Variants in GRM1 observed in about 807,000 individuals in gnomAD.
The protein encoded by GRM1 is glutamate metabotropic receptor 1.
In GRM1, 33 loss-of-function variants were observed where a neutral mutation model predicts 90.9. That is an observed-to-expected ratio of 0.36 (90% CI 0.28 to 0.49). The LOEUF (loss-of-function observed/expected upper bound fraction) is 0.49, where lower values mean the gene tolerates loss of function less well. Ranked by LOEUF, GRM1 falls within the 20% of genes least tolerant of loss-of-function variation. The pLI is 0.99. For missense variants in GRM1, 1,190 were observed against 1,534.3 expected, an observed-to-expected ratio of 0.78 and a Z score of 3.75; for synonymous variants, 700 against 613.2, an observed-to-expected ratio of 1.14 and a Z score of -2.09.
intron 3 of GRM1, among the ~76,000 whole-genome samples, chr6:146,318,431 C>A (rs929370940): frequency 6.6e-6 from 1 of 152,086 alleles, no homozygotes; most frequent in Admixed American, 6.6e-5. Context: ...GGTTCCGAGT[C>A]TTTGCTATTG....
At chr6:146,278,020 A>G (rs1782435816) in intron 2 of GRM1, among the ~76,000 whole-genome samples, 2 of 152,176 alleles carry the variant, frequency 1.3e-5, no homozygotes, top group Admixed American at 1.3e-4. Flanking sequence ...ATTTTTAAGT[A>G]TCTATTACCA....
chr6:146,324,714 A>G (rs964475574), intron 3 of GRM1, among the ~76,000 whole-genome samples: 1 of 151,994 alleles, frequency 6.6e-6, no homozygotes, highest in Non-Finnish European at 1.5e-5. Flanking sequence ...AGGTAAGGCA[A>G]TGCCCCACCC....
chr6:146,267,693 C>T (rs1228783455), intron 2 of GRM1, among the ~76,000 whole-genome samples: 2 of 109,778 alleles, frequency 1.8e-5, no homozygotes, highest in Non-Finnish European at 3.3e-5. Context: ...CTCGGCTCGG[C>T]TCGGCTCGGC....
intron 7 of GRM1, among the ~76,000 whole-genome samples, chr6:146,411,431 C>T (rs970827776): frequency 1.3e-5 from 2 of 152,138 alleles, no homozygotes; most frequent in African/African-American, 4.8e-5. Flanking sequence ...GGACAGGCCT[C>T]TAGGGCCAGA....
intron 1 of GRM1, among the ~76,000 whole-genome samples, chr6:146,149,547 A>T (rs1427656536): frequency 1.3e-5 from 2 of 152,182 alleles, no homozygotes; most frequent in African/African-American, 2.4e-5. Flanking sequence ...GATGTGCATT[A>T]TGACCTCCAT....
chr6:146,125,053 TGTC>T (rs1776146568), intron 1 of GRM1, among the ~76,000 whole-genome samples: 1 of 152,170 alleles, frequency 6.6e-6, no homozygotes, highest in Admixed American at 6.5e-5. Flanking sequence ...TGTTACTTGT[TGTC>T]ACTCCAAATA....
chr6:146,063,667 T>G (rs1274849021), intron 1 of GRM1, among the ~76,000 whole-genome samples: 1 of 152,076 alleles, frequency 6.6e-6, no homozygotes, highest in African/African-American at 2.4e-5. Flanking sequence ...TGAAAACAGG[T>G]CATTTCTTAA....
chr6:146,371,503 T>G (rs540335030), intron 5 of GRM1, among the ~76,000 whole-genome samples: 1 of 152,054 alleles, frequency 6.6e-6, no homozygotes. Context: ...TATTTTAAAA[T>G]GTAAAATCCA....
intron 3 of GRM1, among the ~76,000 whole-genome samples, chr6:146,350,740 T>C (rs967503332): frequency 5.3e-5 from 8 of 152,204 alleles, no homozygotes; most frequent in African/African-American, 1.9e-4. Context: ...TATGTAACTT[T>C]CTATACTTAT....
intron 5 of GRM1, among the ~76,000 whole-genome samples, chr6:146,369,183 CT>C (rs1775808712): frequency 6.6e-6 from 1 of 151,592 alleles, no homozygotes; most frequent in African/African-American, 2.4e-5. Context: ...ATTGTGGTGC[CT>C]TTTTTTCATC....
chr6:146,152,952 C>T (rs1398272682), intron 1 of GRM1, among the ~76,000 whole-genome samples: 2 of 152,072 alleles, frequency 1.3e-5, no homozygotes, highest in African/African-American at 2.4e-5. Context: ...AGAGAATTAT[C>T]TAGATAAATT....
At chr6:146,035,437 A>G (rs1194034208) in intron 1 of GRM1, among the ~76,000 whole-genome samples, 1 of 152,040 alleles carries the variant, frequency 6.6e-6, no homozygotes, top group Non-Finnish European at 1.5e-5. Flanking sequence ...GTAATTTTTT[A>G]ACAAGTGTTC....
intron 3 of GRM1, among the ~76,000 whole-genome samples, chr6:146,315,806 T>A (rs1783946153): frequency 6.6e-6 from 1 of 152,226 alleles, no homozygotes; most frequent in Non-Finnish European, 1.5e-5. Context: ...GCATCTGAGA[T>A]AGCTAATGAG....
intron 2 of GRM1, among the ~76,000 whole-genome samples, chr6:146,216,974 A>C (rs117428134): frequency 6.0e-4 from 91 of 152,292 alleles, no homozygotes; most frequent in African/African-American, 2.1e-3. Context: ...AAGTCTAAAT[A>C]TTATGAACAA....
chr6:146,358,417 A>G (rs916044991), intron 5 of GRM1, among the ~76,000 whole-genome samples: 1 of 152,208 alleles, frequency 6.6e-6, no homozygotes, highest in Non-Finnish European at 1.5e-5. Flanking sequence ...GAAATGGAGC[A>G]TAGGGGAGGG....
chr6:146,116,037 G>A (rs1005699005), intron 1 of GRM1, among the ~76,000 whole-genome samples: 2 of 152,118 alleles, frequency 1.3e-5, no homozygotes, highest in Non-Finnish European at 2.9e-5. Context: ...TGCAACCTCT[G>A]CCTCCTGGGC....
intron 5 of GRM1, among the ~76,000 whole-genome samples, chr6:146,359,110 C>A (rs1273077735): frequency 2.0e-5 from 3 of 152,056 alleles, no homozygotes; most frequent in Non-Finnish European, 1.5e-5. Flanking sequence ...CTGCTAGCTT[C>A]CAAGCAGTGC....
At chr6:146,225,240 C>A (rs1487837566) in intron 2 of GRM1, among the ~76,000 whole-genome samples, 1 of 152,208 alleles carries the variant, frequency 6.6e-6, no homozygotes, top group Non-Finnish European at 1.5e-5. Flanking sequence ...AGCTTTTTAC[C>A]TATGAGATGT....
At position 146,399,042 on chromosome 6, in the gene GRM1, C is replaced by T. The variant is rs1333101296; in HGVS notation, c.2003C>T (p.Ser668Phe). 1.2e-6 allele frequency: 2 copies of T among 1,614,000 alleles called. No homozygotes were observed. ...CAGCGCCTCTTGGTTGGCCTCTCCTCTGCGATGTGCTACTCTGCTTTAGTG... is the reference window on the plus strand; with the variant it reads ...CAGCGCCTCTTGGTTGGCCTCTCCTTTGCGATGTGCTACTCTGCTTTAGTG... ...YLQRLLVGLS[S>F]AMCYSALVTK... The change falls in exon 7 of 8, where the codon TCT (serine) becomes TTT (phenylalanine). Residue 668 changes from serine to phenylalanine, a missense_variant. Physicochemically the swap from Ser to Phe is radical, Grantham distance 155 (BLOSUM62 -2). This residue lies in a region of GRM1 where 414 missense variants were observed against 598.4 expected (regional missense o/e 0.69). Transcript: ENST00000282753. The surrounding 1 kb of genome is among the most constrained non-coding windows in gnomAD (Gnocchi z 5.4).
Sources: gnomAD v4.1 joint callset for allele counts (sites outside exome capture counted in the v4.1 genomes callset) on GRCh38, gnomAD v4.1.1 for gene constraint, gnomAD v4.1.1 regional missense constraint, Gnocchi (gnomAD v3.1) non-coding constraint, MANE v1.5 for transcripts, NCBI Gene and HGNC (gene_info 2026-07-23, HGNC 2026-07-21) for gene names.